The following PHACTR1 variants were observed in gnomAD, a reference collection of about 807,000 sequenced individuals.
PHACTR1 encodes the protein RPEL repeat containing 1.
Under a neutral mutation model 69.2 loss-of-function variants are expected in PHACTR1, and 16 were observed. The observed-to-expected ratio is 0.23, with a 90% CI of 0.16 to 0.35. The LOEUF (loss-of-function observed/expected upper bound fraction) is 0.35, where lower values mean the gene tolerates loss of function less well. Among genes scored for constraint, PHACTR1 ranks in the 10% least tolerant of loss-of-function variants. The pLI is 1.00. For synonymous variants in PHACTR1, 312 were observed against 284.5 expected, an observed-to-expected ratio of 1.10 and a Z score of -0.97; for missense variants, 510 against 734.7, an observed-to-expected ratio of 0.69 and a Z score of 3.54.
intron 4 of PHACTR1, among the ~76,000 whole-genome samples, chr6:13,000,923 A>G (rs1798031242): frequency 6.6e-6 from 1 of 152,252 alleles, no homozygotes; most frequent in Non-Finnish European, 1.5e-5. Flanking sequence ...CATTTTTGGA[A>G]AGGCCTTAGC....
At chr6:13,190,199 T>TTTTTTTTTTTTTG (rs1554151109) in intron 7 of PHACTR1, among the ~76,000 whole-genome samples, 2 of 42,404 alleles carry the variant, frequency 4.7e-5, no homozygotes, top group African/African-American at 2.3e-4. Flanking sequence ...AATTTTTGTA[T>TTTTTTTTTTTTTG]TTTTTTTTTT....
intron 5 of PHACTR1, among the ~76,000 whole-genome samples, chr6:13,063,930 G>A (rs1487410712): frequency 6.6e-6 from 1 of 152,172 alleles, no homozygotes; most frequent in Non-Finnish European, 1.5e-5. Context: ...AATGCAATAG[G>A]AAATTATGAG....
At chr6:13,155,133 C>G (rs1655038330) in intron 5 of PHACTR1, among the ~76,000 whole-genome samples, 2 of 152,112 alleles carry the variant, frequency 1.3e-5, no homozygotes, top group Admixed American at 6.6e-5. Context: ...CTGATTAACC[C>G]CAGGTCTTAG....
chr6:13,062,583 T>G (rs2127754391), intron 5 of PHACTR1, among the ~76,000 whole-genome samples: 1 of 152,252 alleles, frequency 6.6e-6, no homozygotes, highest in Admixed American at 6.5e-5. Context: ...TTGGACCTGA[T>G]GGTGATAGGC....
chr6:12,771,187 TG>T (rs1348865548), intron 4 of PHACTR1, among the ~76,000 whole-genome samples: 1 of 152,072 alleles, frequency 6.6e-6, no homozygotes, highest in East Asian at 1.9e-4. Flanking sequence ...GATAAAGGCT[TG>T]AGTTAGAGCA....
intron 4 of PHACTR1, among the ~76,000 whole-genome samples, chr6:13,035,558 A>C (rs1803183236): frequency 1.3e-5 from 2 of 152,156 alleles, no homozygotes; most frequent in East Asian, 3.8e-4. Flanking sequence ...TCAAGGCAAA[A>C]TTTATTATAC....
At chr6:12,849,221 C>A (rs988698506) in intron 4 of PHACTR1, among the ~76,000 whole-genome samples, 1 of 152,200 alleles carries the variant, frequency 6.6e-6, no homozygotes, top group Non-Finnish European at 1.5e-5. Flanking sequence ...GAAGGCCTTG[C>A]CGCAATGCCA....
intron 4 of PHACTR1, among the ~76,000 whole-genome samples, chr6:12,779,443 C>T (rs949314771): frequency 1.4e-5 from 2 of 145,284 alleles, no homozygotes; most frequent in African/African-American, 2.6e-5. Context: ...TAAACTTTTT[C>T]GTAATGTCAT....
intron 3 of PHACTR1, among the ~76,000 whole-genome samples, chr6:12,720,121 T>G (rs771326383): frequency 6.6e-6 from 1 of 152,096 alleles, no homozygotes; most frequent in Non-Finnish European, 1.5e-5. Flanking sequence ...CAACCTCTTC[T>G]GGGTCTGCAA....
At chr6:12,729,130 T>C (rs962360783) in intron 3 of PHACTR1, among the ~76,000 whole-genome samples, 2 of 152,220 alleles carry the variant, frequency 1.3e-5, no homozygotes, top group African/African-American at 2.4e-5. Flanking sequence ...CATCACTTCT[T>C]TTCTCTGATG....
intron 4 of PHACTR1, among the ~76,000 whole-genome samples, chr6:12,779,923 A>C (rs1443183033): frequency 2.6e-5 from 4 of 152,194 alleles, no homozygotes. Context: ...CTTTTCATGA[A>C]TATTACTCAC....
At chr6:13,254,379 C>T (rs185263963) in intron 10 of PHACTR1, among the ~76,000 whole-genome samples, 3 of 152,200 alleles carry the variant, frequency 2.0e-5, no homozygotes, top group Admixed American at 2.0e-4. Context: ...TTGGCTTAGT[C>T]CTCTTAGTTG....
chr6:13,057,184 G>A (rs968820779), intron 5 of PHACTR1, among the ~76,000 whole-genome samples: 5 of 152,020 alleles, frequency 3.3e-5, no homozygotes, highest in Non-Finnish European at 7.4e-5. Flanking sequence ...TTGAGATGAT[G>A]GATATTCCCA....
At chr6:12,796,570 T>C (rs1273202084) in intron 4 of PHACTR1, among the ~76,000 whole-genome samples, 1 of 152,236 alleles carries the variant, frequency 6.6e-6, no homozygotes, top group Non-Finnish European at 1.5e-5. Flanking sequence ...TAATCTTTGA[T>C]TTTATGGTCG....
At chr6:13,247,582 G>C (rs1264276722) in intron 10 of PHACTR1, among the ~76,000 whole-genome samples, 1 of 152,078 alleles carries the variant, frequency 6.6e-6, no homozygotes. Context: ...CTGACCTCAG[G>C]TGATCCGCCC....
chr6:12,767,789 G>A (rs1325219343), intron 4 of PHACTR1, among the ~76,000 whole-genome samples: 1 of 152,128 alleles, frequency 6.6e-6, no homozygotes, highest in African/African-American at 2.4e-5. Flanking sequence ...CATTGATGAA[G>A]AAAATATCCA....
At chr6:12,931,398 T>C (rs2127528730) in intron 4 of PHACTR1, among the ~76,000 whole-genome samples, 1 of 152,250 alleles carries the variant, frequency 6.6e-6, no homozygotes, top group South Asian at 2.1e-4. Context: ...ATAAGCACAA[T>C]AGCTATGTGT....
At chr6:13,236,866 T>C (rs11755185) in intron 10 of PHACTR1, among the ~76,000 whole-genome samples, 20,181 of 151,932 alleles carry the variant, frequency 0.13, 1,921 homozygotes, top group Admixed American at 0.24. Context: ...CCCAAATGCA[T>C]GTGGGAAGAG....
In PHACTR1 at chr6:12,960,127, G is replaced by A. The variant is rs565540028; in HGVS notation, c.251-93238G>A. Among the ~76,000 whole-genome samples the A allele has an allele frequency of 2.8e-4, 42 of 152,328 alleles. No individual in the cohort carries two copies. In the South Asian group the frequency reaches 8.7e-3, roughly 32 times the overall value. On this transcript the variant is annotated intron_variant, in intron 4 of 14. Transcript: ENST00000332995. ...CTTTTCAGTGAGTGACATTGAGAAA[G>A]TTTGTTGATCTTTCTAAGGCTCAGT...
Sources: allele counts gnomAD v4.1 joint callset (sites outside exome capture counted in the v4.1 genomes callset), GRCh38; gene constraint gnomAD v4.1.1; transcripts MANE v1.5; gene names NCBI Gene and HGNC (gene_info 2026-07-23, HGNC 2026-07-21).